PLXDC2: variants seen among roughly 807,000 people sequenced by gnomAD.
The protein encoded by PLXDC2 is plexin domain containing 2.
A neutral mutation model predicts 68.9 loss-of-function variants in PLXDC2; 40 were observed. The observed-to-expected ratio is 0.58, with a 90% CI of 0.45 to 0.76. The LOEUF (loss-of-function observed/expected upper bound fraction) is 0.76, where lower values mean the gene tolerates loss of function less well. Among genes scored for constraint, PLXDC2 ranks in the 30% least tolerant of loss-of-function variants. The pLI, the probability that PLXDC2 is intolerant of heterozygous loss-of-function variation, is 0.00. For synonymous variants in PLXDC2, 243 were observed against 234.2 expected (o/e 1.04, Z -0.34); for missense variants, 644 against 661.9 (o/e 0.97, Z 0.30).
At chr10:19,905,999 A>G (rs901738869) in intron 1 of PLXDC2, among the ~76,000 whole-genome samples, 2 of 114,680 alleles carry the variant, frequency 1.7e-5, no homozygotes, top group Non-Finnish European at 3.9e-5. Flanking sequence ...ACAATAGTGG[A>G]AAAAAAAAAA....
At chr10:19,859,904 G>C (rs1211810255) in intron 1 of PLXDC2, among the ~76,000 whole-genome samples, 1 of 151,988 alleles carries the variant, frequency 6.6e-6, no homozygotes, top group African/African-American at 2.4e-5. Flanking sequence ...GCTAATTTTT[G>C]TATTTTTAGT....
At chr10:19,909,279 G>A (rs1424825943) in intron 1 of PLXDC2, among the ~76,000 whole-genome samples, 1 of 152,178 alleles carries the variant, frequency 6.6e-6, no homozygotes, top group African/African-American at 2.4e-5. Flanking sequence ...AGATCGTGAA[G>A]CTAATCTCAT....
intron 1 of PLXDC2, among the ~76,000 whole-genome samples, chr10:19,935,671 C>T (rs1368466498): frequency 6.6e-6 from 1 of 152,184 alleles, no homozygotes; most frequent in Non-Finnish European, 1.5e-5. Flanking sequence ...TGACCTGCCT[C>T]CTATGTTTTA....
intron 1 of PLXDC2, among the ~76,000 whole-genome samples, chr10:19,840,254 T>G (rs994441113): frequency 3.9e-5 from 6 of 152,182 alleles, no homozygotes; most frequent in African/African-American, 1.2e-4. Flanking sequence ...GTTTTATTCA[T>G]TTGGCTACAG....
chr10:19,912,110 G>T (rs1472011727), intron 1 of PLXDC2, among the ~76,000 whole-genome samples: 1 of 152,158 alleles, frequency 6.6e-6, no homozygotes, highest in Admixed American at 6.5e-5. Flanking sequence ...TGGACGAACA[G>T]CCCTGAAGCA....
At chr10:19,830,030 A>T (rs1268204338) in intron 1 of PLXDC2, among the ~76,000 whole-genome samples, 2 of 152,224 alleles carry the variant, frequency 1.3e-5, no homozygotes, top group Non-Finnish European at 2.9e-5. Flanking sequence ...GAATTGTCTG[A>T]TAAAATATTA....
intron 7 of PLXDC2, among the ~76,000 whole-genome samples, chr10:20,165,458 A>G (rs929226327): frequency 1.3e-5 from 2 of 151,326 alleles, no homozygotes; most frequent in African/African-American, 2.4e-5. Context: ...TCCCCAGAGT[A>G]TGATGTTCCC....
chr10:19,891,372 C>T (rs1207573590), intron 1 of PLXDC2, among the ~76,000 whole-genome samples: 4 of 151,558 alleles, frequency 2.6e-5, no homozygotes, highest in East Asian at 2.0e-4. Flanking sequence ...TACCTTCTTT[C>T]GCCTGCACTT....
At chr10:20,230,942 C>G (rs1353245809) in intron 12 of PLXDC2, among the ~76,000 whole-genome samples, 1 of 150,086 alleles carries the variant, frequency 6.7e-6, no homozygotes, top group Non-Finnish European at 1.5e-5. Context: ...GTCTTATAGA[C>G]TACACTCTTT....
chr10:20,008,618 G>A (rs1374605082), intron 2 of PLXDC2, among the ~76,000 whole-genome samples: 1 of 152,134 alleles, frequency 6.6e-6, no homozygotes, highest in Non-Finnish European at 1.5e-5. Flanking sequence ...AGCAAATTTT[G>A]TAATGTTGAT....
intron 1 of PLXDC2, among the ~76,000 whole-genome samples, chr10:19,935,535 A>G (rs1210785647): frequency 2.0e-5 from 3 of 152,182 alleles, no homozygotes; most frequent in Non-Finnish European, 2.9e-5. Context: ...ACGTGCCACC[A>G]CTTCCTCTTT....
chr10:20,250,926 C>A (rs1367118267), intron 13 of PLXDC2, among the ~76,000 whole-genome samples: 2 of 151,944 alleles, frequency 1.3e-5, no homozygotes, highest in African/African-American at 4.8e-5. Context: ...AGTTATTATA[C>A]ATTTTGTGGA....
intron 1 of PLXDC2, among the ~76,000 whole-genome samples, chr10:19,857,672 C>A (rs1293324152): frequency 6.6e-6 from 1 of 152,072 alleles, no homozygotes; most frequent in African/African-American, 2.4e-5. Flanking sequence ...CATCATGGCG[C>A]AGAGTTCAAA....
At chr10:20,118,249 TC>T (rs1315151978) in intron 4 of PLXDC2, among the ~76,000 whole-genome samples, 1 of 152,072 alleles carries the variant, frequency 6.6e-6, no homozygotes, top group Non-Finnish European at 1.5e-5. Flanking sequence ...TGTGTTCAAA[TC>T]GTAGGGCATA....
chr10:20,256,263 G>A (rs1741603534), intron 13 of PLXDC2, among the ~76,000 whole-genome samples: 1 of 150,946 alleles, frequency 6.6e-6, no homozygotes, highest in Admixed American at 6.6e-5. Flanking sequence ...CTCCCAAGTA[G>A]CTGGGATTAC....
At chr10:19,822,854 A>T (rs1036403880) in intron 1 of PLXDC2, among the ~76,000 whole-genome samples, 4 of 152,014 alleles carry the variant, frequency 2.6e-5, no homozygotes, top group African/African-American at 9.7e-5. Flanking sequence ...CTGTTGATAG[A>T]TAGGACTTTC....
chr10:19,868,283 T>C (rs1285303618), intron 1 of PLXDC2, among the ~76,000 whole-genome samples: 1 of 152,114 alleles, frequency 6.6e-6, no homozygotes, highest in African/African-American at 2.4e-5. Flanking sequence ...CCCGCCACCC[T>C]CAATAGTCTC....
intron 1 of PLXDC2, among the ~76,000 whole-genome samples, chr10:19,945,711 C>T (rs1833890303): frequency 6.6e-6 from 1 of 152,166 alleles, no homozygotes; most frequent in Non-Finnish European, 1.5e-5. Context: ...CAAGTACACT[C>T]ATATGCTTAG....
intron 13 of PLXDC2, among the ~76,000 whole-genome samples, chr10:20,250,699 C>A (rs997318537): frequency 6.6e-6 from 1 of 152,148 alleles, no homozygotes; most frequent in Non-Finnish European, 1.5e-5. Flanking sequence ...TGTAGAAATG[C>A]AGGCTGATAT....
Sources: gnomAD v4.1 joint callset for allele counts (sites outside exome capture counted in the v4.1 genomes callset) on GRCh38, gnomAD v4.1.1 for gene constraint, MANE v1.5 for transcripts, NCBI Gene and HGNC (gene_info 2026-07-23, HGNC 2026-07-21) for gene names.